The following ADNP variants were observed in gnomAD, a reference collection of about 807,000 sequenced individuals.
ADNP encodes activity-dependent neuroprotector homeobox protein.
In ADNP, 4 loss-of-function variants were observed where a neutral mutation model predicts 84.9. The ratio of observed to expected loss-of-function variants is 0.05; its 90% CI spans 0.02 to 0.11. The LOEUF is 0.11. Ranked by LOEUF, ADNP falls within the 10% of genes least tolerant of loss-of-function variation. The probability of loss-of-function intolerance (pLI) is 1.00; values close to 1 mark genes in which losing one functional copy is unlikely to be tolerated. For missense variants in ADNP, 1,132 were observed against 1,326.0 expected (o/e 0.85, Z 2.27); for synonymous variants, 554 against 468.1 (o/e 1.18, Z -2.37).
At position 50,893,920 on chromosome 20, in the gene ADNP, G is replaced by C. The variant is rs954604581; in HGVS notation, c.794C>G (p.Ser265Cys). The C allele has an allele frequency of 3.1e-6, 5 of 1,613,996 alleles. No individual in the cohort carries two copies. The Admixed American group carries it at 6.7e-5, about 22-fold the overall frequency. The change falls in exon 6 of 6, where the codon TCC becomes TGC. Residue 265 changes from serine (S) to cysteine (C), a missense_variant. Physicochemically the swap from Ser to Cys is moderately radical, Grantham distance 112. Transcript: ENST00000621696. This position sits in a 1 kb window ranked among gnomAD's most constrained non-coding sequence, Gnocchi z 4.4. ...GGGAGCAATTAGCATCAAGGGTTTGGATCGGGGAACCACTACATTTGTGTG... is the reference window on the plus strand; with the variant it reads ...GGGAGCAATTAGCATCAAGGGTTTGCATCGGGGAACCACTACATTTGTGTG... The part of the protein sequence containing the change: ...IGHTNVVVPR[S>C]KPLMLIAPKP...
At position 50,892,144 on chromosome 20, in the gene ADNP, T is replaced by C. The variant is rs755878700; in HGVS notation, c.2570A>G (p.Asn857Ser). ...CTTTTTGTCAGCAGTCTTACTAGCA[T>C]TGACTCTGGAATCCTTCTCATCATG... ...ENHDEKDSRV[N>S]ASKTADKKLN... Residue 857 changes from asparagine (N) to serine (S), a missense_variant, in exon 6 of 6, where the codon AAT (asparagine) becomes AGT (serine). This residue lies in a region of ADNP where 381 missense variants were observed against 319.9 expected (regional missense o/e 1.19). Transcript: ENST00000621696. 27 of 1,614,086 alleles carry C rather than the reference T, an allele frequency of 1.7e-5. No individual in the cohort carries two copies. Among genetic ancestry groups the C allele is most frequent in the Middle Eastern group, 3.3e-4 (2 of 6,084 alleles).
In ADNP at chr20:50,892,141, G is replaced by A; in HGVS notation, c.2573C>T (p.Ala858Val). The part of the protein sequence containing the change: ...NHDEKDSRVN[A>V]SKTADKKLNL... ...GAGCTTTTTGTCAGCAGTCTTACTAGCATTGACTCTGGAATCCTTCTCATC... is the reference window on the plus strand; with the variant it reads ...GAGCTTTTTGTCAGCAGTCTTACTAACATTGACTCTGGAATCCTTCTCATC... Residue 858 changes from alanine (A) to valine (V), a missense_variant, in exon 6 of 6, where the codon GCT (alanine) becomes GTT (valine). This residue lies in a region of ADNP where 381 missense variants were observed against 319.9 expected (regional missense o/e 1.19). Coordinates refer to ENST00000621696, the MANE Select transcript of ADNP (RefSeq NM_001282531.3). The A allele has an allele frequency of 6.2e-7, 1 of 1,614,136 alleles. No homozygotes were observed. The highest frequency in any genetic ancestry group is 8.5e-7 in the Non-Finnish European group (1 of 1,180,028).
Position 50,893,049 on chromosome 20 carries a change from C to T in ADNP, c.1665G>A (p.Gln555=), listed in dbSNP as rs1342368614. 1 of 1,614,200 alleles carries T rather than the reference C, an allele frequency of 6.2e-7. No individual in the cohort carries two copies. Among genetic ancestry groups the T allele is most frequent in the Non-Finnish European group, 8.5e-7 (1 of 1,180,044 alleles). ...GATGGATGTTAGTGTGACTACCCTG[C>T]TGCAATGTCAAATCAAAACTCAAAG... ...DSTLSFDLTL[Q]QGSHTNIHLL... is the part of the protein sequence containing the mutation. Residue 555 remains glutamine (Q), a synonymous_variant, in exon 6 of 6, where the codon CAG becomes CAA. Transcript: ENST00000621696. The surrounding 1 kb of genome is among the most constrained non-coding windows in gnomAD (Gnocchi z 4.4).
chr20:50,894,267 A>G lies in ADNP; in HGVS notation c.447T>C (p.Asn149=). 1 of 1,613,878 alleles carries G rather than the reference A, an allele frequency of 6.2e-7. No homozygotes were observed. The highest frequency in any genetic ancestry group is 8.5e-7 in the Non-Finnish European group (1 of 1,179,952). Residue 149 remains asparagine (N), a synonymous_variant, in exon 6 of 6, where the codon AAT becomes AAC. Coordinates refer to ENST00000621696, the MANE Select transcript of ADNP (RefSeq NM_001282531.3). The part of the protein sequence containing the change: ...SLSTFKDKNK[N]DGLKPKQADS... ...CAGCCTGCTTAGGTTTAAGGCCATC[A>G]TTTTTGTTTTTATCTTTGAAAGTGC...
intron 1 of ADNP, among the ~76,000 whole-genome samples, chr20:50,929,449 T>C (rs1316192274): frequency 6.6e-6 from 1 of 152,196 alleles, no homozygotes; most frequent in Non-Finnish European, 1.5e-5. Context: ...GCTCACCAAC[T>C]AAGAGTGCGA....
intron 5 of ADNP, among the ~76,000 whole-genome samples, chr20:50,898,366 T>C (rs1981623369): frequency 2.0e-5 from 3 of 152,170 alleles, no homozygotes; most frequent in African/African-American, 7.2e-5. Context: ...ACACACTTTT[T>C]GCTTTGGGAT....
intron 2 of ADNP, chr20:50,909,545 A>G (rs937839635): frequency 6.6e-6 from 1 of 152,166 alleles, no homozygotes; most frequent in African/African-American, 2.4e-5. Context: ...GAGCACTTGC[A>G]CTTAGCCACT....
At chr20:50,903,743 T>C in intron 4 of ADNP, 146 bp downstream of exon 4, 1 of 633,826 alleles carries the variant, frequency 1.6e-6, no homozygotes, top group Non-Finnish European at 2.7e-6. Flanking sequence ...AGGCACAAGT[T>C]AATGCTATTG....
chr20:50,923,312 T>A (rs6020854), intron 2 of ADNP, among the ~76,000 whole-genome samples: 15,488 of 152,180 alleles, frequency 0.1, 2,132 homozygotes, highest in African/African-American at 0.31. Flanking sequence ...TTTCCCACAA[T>A]AGGAAATATA....
chr20:50,921,698 T>C (rs1467561146), intron 2 of ADNP, among the ~76,000 whole-genome samples: 1 of 152,170 alleles, frequency 6.6e-6, no homozygotes, highest in East Asian at 1.9e-4. Flanking sequence ...TTAAGATATG[T>C]ATACAAACAG....
At position 50,900,334 on chromosome 20, in the gene ADNP, T is replaced by C. The variant is rs916231743; in HGVS notation, c.201+1683A>G. On this transcript the variant is annotated intron_variant, in intron 5 of 5. Transcript: ENST00000621696. ...GCCATACCATATAGCGTAGGGGTAA[T>C]AGGAGGCTATACCACCTAGGTCTGT... 3.3e-5 allele frequency among the ~76,000 whole-genome samples: 5 copies of C among 152,186 alleles called. 1 individual carries two copies. Among genetic ancestry groups the C allele is most frequent in the South Asian group, 4.1e-4 (2 of 4,830 alleles).
At chr20:50,897,006 A>G (rs1981471957) in intron 5 of ADNP, among the ~76,000 whole-genome samples, 1 of 152,224 alleles carries the variant, frequency 6.6e-6, no homozygotes, top group African/African-American at 2.4e-5. Context: ...CAATGGCACA[A>G]TCTCGGCTCA....
At chr20:50,909,015 T>C (rs1006692894) in intron 2 of ADNP, among the ~76,000 whole-genome samples, 3 of 151,886 alleles carry the variant, frequency 2.0e-5, no homozygotes, top group Non-Finnish European at 2.9e-5. Flanking sequence ...GAGATGGGTT[T>C]TGACATGCAG....
At chr20:50,913,356 C>T (rs1042848416) in intron 2 of ADNP, among the ~76,000 whole-genome samples, 1 of 138,732 alleles carries the variant, frequency 7.2e-6, no homozygotes, top group Non-Finnish European at 1.5e-5. Context: ...TAAACAATTT[C>T]ATTTTTTGAT....
chr20:50,919,388 T>A (rs1983782193), intron 2 of ADNP, among the ~76,000 whole-genome samples: 1 of 151,402 alleles, frequency 6.6e-6, no homozygotes, highest in South Asian at 2.1e-4. Flanking sequence ...GAGAATGGCT[T>A]GAGTTGCAGT....
At chr20:50,929,257 T>C (rs1984490126) in intron 1 of ADNP, among the ~76,000 whole-genome samples, 1 of 152,196 alleles carries the variant, frequency 6.6e-6, no homozygotes, top group South Asian at 2.1e-4. Context: ...GTGGAAGAAC[T>C]CCAGAGGAAG....
At chr20:50,917,078 C>T (rs112791080) in intron 2 of ADNP, among the ~76,000 whole-genome samples, 16 of 152,294 alleles carry the variant, frequency 1.1e-4, no homozygotes, top group East Asian at 1.9e-4. Context: ...TGCCCATGAG[C>T]GAGCTGGGTC....
In ADNP at chr20:50,893,536, G is replaced by C. The variant is rs780570815; in HGVS notation, c.1178C>G (p.Ser393Cys). 5.6e-6 allele frequency: 9 copies of C among 1,613,814 alleles called. No homozygotes were observed. The South Asian group carries it at 8.8e-5, about 16-fold the overall frequency. Residue 393 changes from serine (S) to cysteine (C), a missense_variant, in exon 6 of 6, where the codon TCC (serine) becomes TGC (cysteine). By Grantham distance (112) the Ser-to-Cys change is moderately radical (BLOSUM62 -1). Coordinates refer to ENST00000621696, the MANE Select transcript of ADNP (RefSeq NM_001282531.3). The surrounding 1 kb of genome is among the most constrained non-coding windows in gnomAD (Gnocchi z 4.4). Reference protein sequence around the residue: ...EQRSQAPARYSLQSANASSLS... With the variant: ...EQRSQAPARYCLQSANASSLS... Reference sequence around the variant, plus strand: ...AGAAGAGGCATTAGCAGACTGCAGGGAGTATCTTGCTGGTGCCTGGGACCT... The same window carrying C: ...AGAAGAGGCATTAGCAGACTGCAGGCAGTATCTTGCTGGTGCCTGGGACCT...
intron 2 of ADNP, among the ~76,000 whole-genome samples, chr20:50,917,458 T>A (rs1374387972): frequency 6.6e-6 from 1 of 152,260 alleles, no homozygotes; most frequent in East Asian, 1.9e-4. Context: ...ATCATAATGG[T>A]AATATCTTGT....
Sources: gnomAD v4.1 joint callset for allele counts (sites outside exome capture counted in the v4.1 genomes callset) on GRCh38, gnomAD v4.1.1 for gene constraint, gnomAD v4.1.1 regional missense constraint, Gnocchi (gnomAD v3.1) non-coding constraint, MANE v1.5 for transcripts, NCBI Gene and HGNC (gene_info 2026-07-23, HGNC 2026-07-21) for gene names.